CPNE8: variants seen among roughly 807,000 people sequenced by gnomAD.
The protein encoded by CPNE8 is copine-8.
In CPNE8, 45 loss-of-function variants were observed where a neutral mutation model predicts 81.5. The observed-to-expected ratio is 0.55, with a 90% CI of 0.44 to 0.71. The LOEUF is 0.71. Among genes scored for constraint, CPNE8 ranks in the 30% least tolerant of loss-of-function variants. The pLI, the probability that CPNE8 is intolerant of heterozygous loss-of-function variation, is 0.00. For synonymous variants in CPNE8, 252 were observed against 226.3 expected (o/e 1.11, Z -1.02); for missense variants, 594 against 672.1 (o/e 0.88, Z 1.28).
intron 7 of CPNE8, among the ~76,000 whole-genome samples, chr12:38,775,160 T>C (rs1941902850): frequency 1.3e-5 from 2 of 152,178 alleles, no homozygotes; most frequent in African/African-American, 2.4e-5. Flanking sequence ...GGTCTTGCTC[T>C]GTTGCCCAGG....
At position 38,730,371 on chromosome 12, in the gene CPNE8, G is replaced by GA. The variant is rs5797589; in HGVS notation, c.723-14dup. ...AATGAAATCATGACTAAAATTAAAG[G>GA]AAAAAAGTACATAATATTGGCTTTC... On this transcript the variant is annotated splice_polypyrimidine_tract_variant and intron_variant, in intron 10 of 19. Coordinates refer to ENST00000331366, the MANE Select transcript of CPNE8 (RefSeq NM_153634.3). The GA allele has an allele frequency of 0.98, 1,407,626 of 1,432,036 alleles. 692,388 individuals carry two copies. Among genetic ancestry groups the GA allele is most frequent in the East Asian group, 1 (43,742 of 43,750 alleles). The allele number at this position is 1,432,036 out of a possible 1,614,324, so 88.7% of individuals were successfully genotyped here. A position where few individuals can be genotyped will look rare whatever the true frequency, so the allele number is the denominator to read the frequency against.
intron 18 of CPNE8, among the ~76,000 whole-genome samples, chr12:38,674,025 T>G (rs146794464): frequency 9.2e-5 from 14 of 152,252 alleles, no homozygotes; most frequent in Admixed American, 2.0e-4. Context: ...GATAGAGTGA[T>G]CCGAATGATT....
Position 38,880,259 on chromosome 12 carries a change from A to G in CPNE8, c.99-5748T>C, listed in dbSNP as rs556296035. ...ATTATTAAGGGCCTTTTATTTATCT[A>G]TTTTTCAGGGTAGTCTCTGGACCAC... On this transcript the variant is annotated intron_variant, in intron 1 of 19. Coordinates refer to ENST00000331366, the MANE Select transcript of CPNE8 (RefSeq NM_153634.3). 9.9e-5 allele frequency among the ~76,000 whole-genome samples: 15 copies of G among 152,228 alleles called. No homozygotes were observed. In the South Asian group the frequency reaches 3.1e-3, roughly 32 times the overall value.
At position 38,652,346 on chromosome 12, in the gene CPNE8, C is replaced by G. The variant is rs1938718662; in HGVS notation, c.*1536G>C. 6.6e-6 allele frequency: 1 copy of G among 152,112 alleles called. No individual in the cohort carries two copies. Among genetic ancestry groups the G allele is most frequent in the Non-Finnish European group, 1.5e-5 (1 of 67,938 alleles). 9.4% of individuals were successfully genotyped at this position (152,112 alleles called of 1,614,324 possible). On this transcript the variant is annotated 3_prime_UTR_variant, in exon 20 of 20. Coordinates refer to ENST00000331366, the MANE Select transcript of CPNE8 (RefSeq NM_153634.3). Reference sequence around the variant, plus strand: ...TATTGTCATTCATACATGAAACGTACAAAGCAAATAGTTATGATTTAAAGA... The same window carrying G: ...TATTGTCATTCATACATGAAACGTAGAAAGCAAATAGTTATGATTTAAAGA...
At chr12:38,826,012 TTGCAACCAGTC>T (rs1287154509) in intron 6 of CPNE8, among the ~76,000 whole-genome samples, 3 of 152,220 alleles carry the variant, frequency 2.0e-5, no homozygotes, top group Non-Finnish European at 4.4e-5. Flanking sequence ...ATGAATGTAA[TTGCAACCAGTC>T]TGCAATTCCT....
intron 3 of CPNE8, among the ~76,000 whole-genome samples, chr12:38,862,025 T>G (rs916085153): frequency 6.6e-6 from 1 of 152,048 alleles, no homozygotes; most frequent in African/African-American, 2.4e-5. Context: ...GGTACTAATA[T>G]CACAAAAGAG....
At chr12:38,718,852 C>T (rs1024651972) in intron 13 of CPNE8, among the ~76,000 whole-genome samples, 8 of 151,926 alleles carry the variant, frequency 5.3e-5, no homozygotes, top group African/African-American at 1.7e-4. Context: ...AAATGATGTA[C>T]AATCATATAA....
intron 1 of CPNE8, among the ~76,000 whole-genome samples, chr12:38,875,923 T>C (rs1944059714): frequency 6.6e-6 from 1 of 152,224 alleles, no homozygotes; most frequent in African/African-American, 2.4e-5. Flanking sequence ...ATATTTATTA[T>C]ACAAAGGTAG....
intron 3 of CPNE8, among the ~76,000 whole-genome samples, chr12:38,870,330 G>C (rs1034023596): frequency 3.9e-5 from 6 of 152,146 alleles, no homozygotes; most frequent in Non-Finnish European, 4.4e-5. Flanking sequence ...CTACTATAAA[G>C]ACACATGCAC....
In CPNE8 at chr12:38,903,682, A is replaced by G. The variant is rs7965806; in HGVS notation, c.98+1755T>C. Reference sequence around the variant, plus strand: ...TTGAGCAGAGGATAAGAACTCTAGTAATGCTGTTATTGTAGGACTTCCGGC... The same window carrying G: ...TTGAGCAGAGGATAAGAACTCTAGTGATGCTGTTATTGTAGGACTTCCGGC... On this transcript the variant is annotated intron_variant, in intron 1 of 19. Coordinates refer to ENST00000331366, the MANE Select transcript of CPNE8 (RefSeq NM_153634.3). 9.9e-3 allele frequency among the ~76,000 whole-genome samples: 1,509 copies of G among 152,328 alleles called. 26 individuals carry two copies. Among genetic ancestry groups the G allele is most frequent in the African/African-American group, 0.034 (1,429 of 41,568 alleles).
intron 3 of CPNE8, among the ~76,000 whole-genome samples, chr12:38,870,998 A>G (rs1943984444): frequency 6.6e-6 from 1 of 152,074 alleles, no homozygotes; most frequent in East Asian, 1.9e-4. Context: ...ATTAGTCAAT[A>G]TTTGTGAAGG....
chr12:38,902,493 C>A (rs567775183), intron 1 of CPNE8, among the ~76,000 whole-genome samples: 1 of 152,132 alleles, frequency 6.6e-6, no homozygotes, highest in Admixed American at 6.5e-5. Flanking sequence ...CAAATCTGAG[C>A]TGCTTTTGAA....
rs905008812 is a variant in CPNE8 at position 38,668,895 on chromosome 12, C to CA, written c.1506+1833dup. Among the ~76,000 whole-genome samples, 41 of 150,532 alleles carry CA rather than the reference C, an allele frequency of 2.7e-4. No homozygotes were observed. In the East Asian group the frequency reaches 3.7e-3, roughly 14 times the overall value. On this transcript the variant is annotated intron_variant, in intron 19 of 19. Transcript: ENST00000331366. ...AAACCCCATCTCTACTAAAAAAATACAAAAAAAAATTAGCTGGGCATGGTG... is the reference window on the plus strand; with the variant it reads ...AAACCCCATCTCTACTAAAAAAATACAAAAAAAAAATTAGCTGGGCATGGTG...
intron 19 of CPNE8, among the ~76,000 whole-genome samples, chr12:38,667,828 G>T (rs981741200): frequency 6.6e-6 from 1 of 151,214 alleles, no homozygotes; most frequent in Non-Finnish European, 1.5e-5. Flanking sequence ...ACGGAGTTTC[G>T]CTCTTGTTGT....
chr12:38,876,567 T>C (rs1051519490), intron 1 of CPNE8, among the ~76,000 whole-genome samples: 9 of 152,208 alleles, frequency 5.9e-5, no homozygotes, highest in African/African-American at 2.2e-4. Flanking sequence ...CACTCAGCCA[T>C]TGTGATCCAT....
chr12:38,884,433 A>T (rs1944209814), intron 1 of CPNE8, among the ~76,000 whole-genome samples: 1 of 152,140 alleles, frequency 6.6e-6, no homozygotes, highest in Non-Finnish European at 1.5e-5. Flanking sequence ...ACTTTGGTTC[A>T]TCGATTCATA....
chr12:38,902,359 A>AGAAG (rs1331244260), intron 1 of CPNE8, among the ~76,000 whole-genome samples: 4 of 96,226 alleles, frequency 4.2e-5, no homozygotes, highest in African/African-American at 2.6e-4. Flanking sequence ...AAAGAAAGAA[A>AGAAG]GAAAGAAAGA....
chr12:38,807,589 A>G (rs1942839299), intron 6 of CPNE8, among the ~76,000 whole-genome samples: 2 of 151,366 alleles, frequency 1.3e-5, no homozygotes, highest in Admixed American at 1.3e-4. Context: ...TACACCTTAT[A>G]CAAAAATTAA....
intron 6 of CPNE8, among the ~76,000 whole-genome samples, chr12:38,787,383 T>C (rs957595678): frequency 6.6e-5 from 10 of 151,332 alleles, no homozygotes; most frequent in African/African-American, 2.4e-4. Context: ...AGAAGAAAAT[T>C]GAAAATTTTT....
Sources: allele counts gnomAD v4.1 joint callset (sites outside exome capture counted in the v4.1 genomes callset), GRCh38; gene constraint gnomAD v4.1.1; transcripts MANE v1.5; gene names NCBI Gene and HGNC (gene_info 2026-07-23, HGNC 2026-07-21).